ZC3H4: variants seen among roughly 807,000 people sequenced by gnomAD.
ZC3H4 encodes zinc finger CCCH-type containing 4, also known as zinc finger CCCH domain-containing protein 4.
ZC3H4 carries 13 observed loss-of-function variants against 108.3 expected under a neutral mutation model. The ratio of observed to expected loss-of-function variants is 0.12; its 90% CI spans 0.08 to 0.19. The LOEUF is 0.19. Among genes scored for constraint, ZC3H4 ranks in the 10% least tolerant of loss-of-function variants. The probability of loss-of-function intolerance (pLI) is 1.00; values close to 1 mark genes in which losing one functional copy is unlikely to be tolerated. For synonymous variants in ZC3H4, 917 were observed against 749.6 expected, an observed-to-expected ratio of 1.22 and a Z score of -3.65; for missense variants, 1,734 against 1,838.8, an observed-to-expected ratio of 0.94 and a Z score of 1.04.
Position 47,094,466 on chromosome 19 carries a change from T to C in ZC3H4, c.304A>G (p.Arg102Gly). The C allele has an allele frequency of 6.2e-7, 1 of 1,614,226 alleles. No individual in the cohort carries two copies. Among genetic ancestry groups the C allele is most frequent in the Non-Finnish European group, 8.5e-7 (1 of 1,180,032 alleles). ...SDSDEEKSHR[R>G]LKRKRKKERE... Reference sequence around the variant, plus strand: ...TCTTTCTTCCGTTTCCGCTTCAGTCTCCTGTGGGACTTCTCCTCATCCGAA... The same window carrying C: ...TCTTTCTTCCGTTTCCGCTTCAGTCCCCTGTGGGACTTCTCCTCATCCGAA... Residue 102 changes from arginine (R) to glycine (G), a missense_variant, in exon 3 of 15, where the codon AGA becomes GGA. By Grantham distance (125) the Arg-to-Gly change is moderately radical. Transcript: ENST00000253048.
chr19:47,072,004 C>T lies in ZC3H4; in HGVS notation c.1920G>A (p.Met640Ile), dbSNP rs1214277489. The change falls in exon 13 of 15, where the codon ATG becomes ATA. Residue 640 changes from methionine to isoleucine, a missense_variant. Around this residue, in one of 9 missense-constraint regions of ZC3H4, gnomAD observed 540 missense variants for 484.1 expected, o/e 1.12. Coordinates refer to ENST00000253048, the MANE Select transcript of ZC3H4 (RefSeq NM_015168.2). The surrounding 1 kb of genome is among the most constrained non-coding windows in gnomAD (Gnocchi z 5.6). Reference protein sequence around the residue: ...PDMHPDMHPDMHPDMHADMHA... With the variant: ...PDMHPDMHPDIHPDMHADMHA... ...GCATGTCTGCGTGCATGTCAGGGTG[C>T]ATGTCCGGGTGCATGTCGGGGTGCA... 6.3e-7 allele frequency: 1 copy of T among 1,595,346 alleles called. No homozygotes were observed. The highest frequency in any genetic ancestry group is 1.1e-5 in the South Asian group (1 of 89,104).
chr19:47,073,197 T>C (rs777056311), intron 11 of ZC3H4, among the ~76,000 whole-genome samples: 5 of 151,886 alleles, frequency 3.3e-5, no homozygotes, highest in South Asian at 4.2e-4. Flanking sequence ...CACTTGAACA[T>C]GGGAGGCAGA....
At chr19:47,112,241 A>G in intron 2 of ZC3H4, 183 bp downstream of exon 2, 8 of 1,159,154 alleles carry the variant, frequency 6.9e-6, no homozygotes, top group South Asian at 4.3e-5. Flanking sequence ...AGGCCGGGAG[A>G]GAAAGCAAGC....
rs543268593 is a variant in ZC3H4, at chr19:47,096,172, A to T, written c.162-1564T>A. Among the ~76,000 whole-genome samples, 26 of 152,210 alleles carry T rather than the reference A, an allele frequency of 1.7e-4. 1 individual carries two copies. The South Asian group carries it at 5.4e-3, about 32-fold the overall frequency. On this transcript the variant is annotated intron_variant, in intron 2 of 14. Transcript: ENST00000253048. The stretch of plus-strand genomic sequence containing the variant: ...TCAAAGGGGATGGGTTCTATTTCAA[A>T]CCCAAGTGGCCCAGCCCCACAGATA...
At chr19:47,089,884 T>G in intron 5 of ZC3H4, 83 bp downstream of exon 5, 1 of 1,447,732 alleles carries the variant, frequency 6.9e-7, no homozygotes, top group Non-Finnish European at 9.5e-7. Flanking sequence ...TGACCAAACT[T>G]GAGGTTCTGT....
chr19:47,104,844 G>A (rs2057948645), intron 2 of ZC3H4, among the ~76,000 whole-genome samples: 1 of 152,224 alleles, frequency 6.6e-6, no homozygotes, highest in African/African-American at 2.4e-5. Flanking sequence ...CAAGCCACCT[G>A]CAACAGACTT....
At chr19:47,084,302 G>A in intron 9 of ZC3H4, 43 bp downstream of exon 9, 3 of 1,576,332 alleles carry the variant, frequency 1.9e-6, no homozygotes, top group Non-Finnish European at 2.6e-6. Flanking sequence ...GTCCTCTGGG[G>A]GCTATGGCCT....
intron 2 of ZC3H4, 77 bp from the exon 3 acceptor site, chr19:47,094,685 T>C: frequency 2.7e-6 from 4 of 1,491,082 alleles, no homozygotes; most frequent in Non-Finnish European, 3.7e-6. Flanking sequence ...TGGCCAAGGC[T>C]GACAGGAACC....
Position 47,084,436 on chromosome 19 carries a change from T to G in ZC3H4, c.1127A>C (p.Tyr376Ser). Reference protein sequence around the residue: ...EDMGDGGGGSYRSRDHDKPHQ... With the variant: ...EDMGDGGGGSSRSRDHDKPHQ... ...GGGCTTGTCATGGTCACGACTCCGG[T>G]AGCTTCCACCACCACCGTCCTGCAA... The change falls in exon 9 of 15, where the codon TAC becomes TCC. Residue 376 changes from tyrosine (Y) to serine (S), a missense_variant. Physicochemically the swap from Tyr to Ser is moderately radical, Grantham distance 144. Transcript: ENST00000253048. The G allele has an allele frequency of 6.2e-7, 1 of 1,614,156 alleles. No homozygotes were observed. The highest frequency in any genetic ancestry group is 8.5e-7 in the Non-Finnish European group (1 of 1,180,028).
intron 13 of ZC3H4, among the ~76,000 whole-genome samples, chr19:47,069,877 A>C (rs944536899): frequency 7.2e-5 from 11 of 152,198 alleles, no homozygotes; most frequent in African/African-American, 2.4e-4. Flanking sequence ...GCAGTTCCAG[A>C]GTGCCTCCCT....
At chr19:47,099,454 C>A (rs559804561) in intron 2 of ZC3H4, among the ~76,000 whole-genome samples, 1 of 149,488 alleles carries the variant, frequency 6.7e-6, no homozygotes, top group African/African-American at 2.5e-5. Context: ...AGTGAAACTC[C>A]GTCTCAAAAA....
At chr19:47,095,869 A>C (rs1384492709) in intron 2 of ZC3H4, among the ~76,000 whole-genome samples, 2 of 152,216 alleles carry the variant, frequency 1.3e-5, no homozygotes, top group African/African-American at 4.8e-5. Flanking sequence ...CTAGGACACA[A>C]AGAGAAGTGA....
intron 2 of ZC3H4, among the ~76,000 whole-genome samples, chr19:47,103,804 C>T (rs1176585331): frequency 1.3e-5 from 2 of 149,526 alleles, no homozygotes; most frequent in East Asian, 2.0e-4. Flanking sequence ...ATAAGCCAGG[C>T]GTGGTGGCAG....
chr19:47,090,257 A>AC (rs2122953328), intron 4 of ZC3H4, 68 bp from the exon 5 acceptor site: 1 of 1,563,914 alleles, frequency 6.4e-7, no homozygotes, highest in East Asian at 2.3e-5. Flanking sequence ...CTACCAAGAT[A>AC]CCCAGGGTTC....
intron 11 of ZC3H4, among the ~76,000 whole-genome samples, chr19:47,073,673 C>A (rs927234868): frequency 4.6e-5 from 7 of 152,168 alleles, no homozygotes; most frequent in Non-Finnish European, 1.0e-4. Flanking sequence ...ATTTTCATCA[C>A]CCCCAAAAGA....
At chr19:47,081,383 G>A (rs913523510) in intron 11 of ZC3H4, 130 bp downstream of exon 11, 2 of 714,480 alleles carry the variant, frequency 2.8e-6, no homozygotes, top group South Asian at 3.2e-5. Context: ...GTCCTCCTTA[G>A]AATGGCCCAA....
chr19:47,071,929 GCCCATGGGT>G lies in ZC3H4; in HGVS notation c.1986_1994del (p.Met664_Pro666del). On this transcript the variant is annotated inframe_deletion, in exon 13 of 15. Coordinates refer to ENST00000253048, the MANE Select transcript of ZC3H4 (RefSeq NM_015168.2). The stretch of plus-strand genomic sequence containing the variant: ...AGGGCATCATTGGAGGGCCGCCAGG[GCCCATGGGT>G]GGGCCAGGATTCATGCCAGGGCCCA... 6.2e-7 allele frequency: 1 copy of G among 1,612,880 alleles called. No homozygotes were observed. Among genetic ancestry groups the G allele is most frequent in the East Asian group, 2.2e-5 (1 of 44,872 alleles).
Position 47,066,324 on chromosome 19 carries a change from A to C in ZC3H4, c.*32T>G. ...TGCTGCCCTGAATGCCACCCTAGGAAGGGTGGCTGGAGCCGCAGCTCTGGC... is the reference window on the plus strand; with the variant it reads ...TGCTGCCCTGAATGCCACCCTAGGACGGGTGGCTGGAGCCGCAGCTCTGGC... On this transcript the variant is annotated 3_prime_UTR_variant, in exon 15 of 15. Coordinates refer to ENST00000253048, the MANE Select transcript of ZC3H4 (RefSeq NM_015168.2). The C allele has an allele frequency of 6.8e-7, 1 of 1,475,620 alleles. No homozygotes were observed. Among genetic ancestry groups the C allele is most frequent in the South Asian group, 1.4e-5 (1 of 71,500 alleles). 91.4% of individuals were successfully genotyped at this position (1,475,620 alleles called of 1,614,324 possible).
At chr19:47,081,080 TAGTAG>T (rs2057513382) in intron 11 of ZC3H4, among the ~76,000 whole-genome samples, 1 of 152,138 alleles carries the variant, frequency 6.6e-6, no homozygotes, top group Non-Finnish European at 1.5e-5. Flanking sequence ...AATTTATTTT[TAGTAG>T]AAACAACGTC....
Sources: gnomAD v4.1 joint callset for allele counts (sites outside exome capture counted in the v4.1 genomes callset) on GRCh38, gnomAD v4.1.1 for gene constraint, gnomAD v4.1.1 regional missense constraint, Gnocchi (gnomAD v3.1) non-coding constraint, MANE v1.5 for transcripts, NCBI Gene and HGNC (gene_info 2026-07-23, HGNC 2026-07-21) for gene names.